Variants in FER1L6 observed in about 807,000 individuals in gnomAD.
FER1L6 encodes fer-1-like protein 6.
FER1L6 carries 177 observed loss-of-function variants against 219.2 expected under a neutral mutation model. That is an observed-to-expected ratio of 0.81 (90% CI 0.71 to 0.91). The LOEUF (loss-of-function observed/expected upper bound fraction) is 0.91. Ranked by LOEUF, FER1L6 falls within the 40% of genes least tolerant of loss-of-function variation. FER1L6 has a pLI of 0.00. For missense variants in FER1L6, 2,153 were observed against 2,259.9 expected (o/e 0.95, Z 0.96); for synonymous variants, 768 against 824.3 (o/e 0.93, Z 1.17).
intron 5 of FER1L6, among the ~76,000 whole-genome samples, chr8:123,967,290 A>G (rs531906366): frequency 6.6e-6 from 1 of 152,282 alleles, no homozygotes; most frequent in African/African-American, 2.4e-5. Context: ...ATTGTACCCA[A>G]ATGGTAGCAT....
rs144664675 is a variant in FER1L6 at position 123,917,364 on chromosome 8, T to A, written c.-7-38628T>A. 2.9e-3 allele frequency among the ~76,000 whole-genome samples: 449 copies of A among 152,346 alleles called. 2 individuals carry two copies. The highest frequency in any genetic ancestry group is 4.6e-3 in the Non-Finnish European group (315 of 68,036). ...GCAGAGGACTTGACTGATGTCGAGGTGTCCAGTACATCAATAATATCCACT... is the reference window on the plus strand; with the variant it reads ...GCAGAGGACTTGACTGATGTCGAGGAGTCCAGTACATCAATAATATCCACT... On this transcript the variant is annotated intron_variant, in intron 1 of 40. Transcript: ENST00000522917.
chr8:124,101,975 GTTA>G (rs1822566666), intron 38 of FER1L6, among the ~76,000 whole-genome samples: 1 of 152,162 alleles, frequency 6.6e-6, no homozygotes, highest in African/African-American at 2.4e-5. Flanking sequence ...TTGGAAATTG[GTTA>G]TTGTCTAAAA....
At chr8:124,081,406 G>C (rs1214722827) in intron 32 of FER1L6, among the ~76,000 whole-genome samples, 1 of 152,040 alleles carries the variant, frequency 6.6e-6, no homozygotes, top group Admixed American at 6.6e-5. Context: ...ACCGAGCTAG[G>C]AATTAGGAAC....
chr8:123,955,910 G>C lies in FER1L6; in HGVS notation c.-7-82G>C, dbSNP rs1454999301. ...GAGGCTGGTGGGCTTCATGAAGCTC[G>C]GTGTGTTTTTGTGTTTACCTTCTCC... On this transcript the variant is annotated intron_variant, in intron 1 of 40. Transcript: ENST00000522917. 8 of 1,294,214 alleles carry C rather than the reference G, an allele frequency of 6.2e-6. No individual in the cohort carries two copies. In the African/African-American group the frequency reaches 1.0e-4, roughly 17 times the overall value. 80.2% of individuals were successfully genotyped at this position (1,294,214 alleles called of 1,614,324 possible).
intron 1 of FER1L6, among the ~76,000 whole-genome samples, chr8:123,882,999 ACT>A (rs1817137286): frequency 6.6e-6 from 1 of 152,064 alleles, no homozygotes. Flanking sequence ...GTGTGTAGGA[ACT>A]CTCTACCTTT....
chr8:123,854,723 G>A (rs1320278222), intron 1 of FER1L6, among the ~76,000 whole-genome samples: 1 of 152,198 alleles, frequency 6.6e-6, no homozygotes, highest in Non-Finnish European at 1.5e-5. Context: ...TCTGGGAGGA[G>A]GAAGCAGCTT....
chr8:123,913,617 T>A (rs1813104576), intron 1 of FER1L6, among the ~76,000 whole-genome samples: 1 of 152,180 alleles, frequency 6.6e-6, no homozygotes, highest in Non-Finnish European at 1.5e-5. Flanking sequence ...GGGGTTGGAC[T>A]AAGCCATTGG....
chr8:123,998,814 C>G lies in FER1L6; in HGVS notation c.1520-4353C>G, dbSNP rs190406161. Among the ~76,000 whole-genome samples, 785 of 152,300 alleles carry G rather than the reference C, an allele frequency of 5.2e-3. 1 individual carries two copies. Among genetic ancestry groups the G allele is most frequent in the Middle Eastern group, 0.01 (3 of 294 alleles). On this transcript the variant is annotated intron_variant, in intron 12 of 40. Transcript: ENST00000522917. ...CACTCTTCTCTCTCCTTTTCTCAAG[C>G]AGCTGAGTCTCTACCCATGACCACT...
intron 1 of FER1L6, among the ~76,000 whole-genome samples, chr8:123,865,755 C>T (rs1174892035): frequency 6.6e-6 from 1 of 151,292 alleles, no homozygotes; most frequent in South Asian, 2.1e-4. Flanking sequence ...CAGGTGCGTC[C>T]GTCACCCCTT....
chr8:123,936,266 CAG>C (rs1264646712), intron 1 of FER1L6, among the ~76,000 whole-genome samples: 6 of 152,136 alleles, frequency 3.9e-5, no homozygotes, highest in Admixed American at 2.0e-4. Context: ...CCACATTGCT[CAG>C]GGGACAAGTT....
intron 1 of FER1L6, among the ~76,000 whole-genome samples, chr8:123,948,250 G>T (rs1224902823): frequency 1.3e-5 from 2 of 152,192 alleles, no homozygotes; most frequent in African/African-American, 4.8e-5. Flanking sequence ...ACTCAAGGTT[G>T]CATAATTAGC....
At position 123,966,265 on chromosome 8, in the gene FER1L6, G is replaced by T; in HGVS notation, c.359G>T (p.Gly120Val). The T allele has an allele frequency of 6.2e-7, 1 of 1,614,134 alleles. No homozygotes were observed. Among genetic ancestry groups the T allele is most frequent in the South Asian group, 1.1e-5 (1 of 91,072 alleles). The change falls in exon 5 of 41, where the codon GGA becomes GTA. Residue 120 changes from glycine to valine, a missense_variant. Physicochemically the swap from Gly to Val is moderately radical, Grantham distance 109. Transcript: ENST00000522917. ...AAGAAGCAAAGCACAGTGAAGGAAG[G>T]AACCAACAGCCCATTTTATAATGAA... ...DEKKQSTVKE[G>V]TNSPFYNEYF...
intron 22 of FER1L6, among the ~76,000 whole-genome samples, chr8:124,054,892 G>A (rs1382189536): frequency 3.9e-5 from 6 of 152,196 alleles, no homozygotes; most frequent in Admixed American, 6.5e-5. Context: ...GTTGCAACGC[G>A]AAGATGCCAG....
At chr8:123,999,717 G>T (rs183277124) in intron 12 of FER1L6, among the ~76,000 whole-genome samples, 1 of 152,104 alleles carries the variant, frequency 6.6e-6, no homozygotes, top group Non-Finnish European at 1.5e-5. Context: ...GTGGGCTAGG[G>T]CCTGAAATGT....
chr8:123,988,550 A>G (rs1282724969), intron 12 of FER1L6, among the ~76,000 whole-genome samples: 1 of 151,950 alleles, frequency 6.6e-6, no homozygotes, highest in East Asian at 1.9e-4. Context: ...TTCTTTGATT[A>G]AGTTTATTCC....
chr8:124,103,618 C>T (rs941850552), intron 39 of FER1L6, among the ~76,000 whole-genome samples: 1 of 152,032 alleles, frequency 6.6e-6, no homozygotes, highest in African/African-American at 2.4e-5. Context: ...TTACCTTATG[C>T]CTTCATCCTC....
chr8:124,010,620 C>T lies in FER1L6; in HGVS notation c.1727C>T (p.Ala576Val), dbSNP rs747685176. ...AATTACAACTATTTGCCATTTGAGG[C>T]TAAGAAGCCCTGTGTCTATTTCATC... ...NRNYNYLPFE[A>V]KKPCVYFISS... Residue 576 changes from alanine to valine, a missense_variant, in exon 14 of 41, where the codon GCT (alanine) becomes GTT (valine). Transcript: ENST00000522917. The T allele has an allele frequency of 1.2e-6, 2 of 1,614,018 alleles. No homozygotes were observed. The highest frequency in any genetic ancestry group is 1.7e-6 in the Non-Finnish European group (2 of 1,179,938).
In FER1L6 at chr8:123,959,629, TTG is replaced by T. The variant is rs1348273875; in HGVS notation, c.76+3562_76+3563del. Among the ~76,000 whole-genome samples the T allele has an allele frequency of 2.6e-5, 4 of 152,188 alleles. No homozygotes were observed. The East Asian group carries it at 5.8e-4, about 22-fold the overall frequency. ...CTGTGTTTCTTTGGATGCAGTACTGTTGTGTGTGGTTTGCTGTTTAAAATCAG... is the reference window on the plus strand; with the variant it reads ...CTGTGTTTCTTTGGATGCAGTACTGTTGTGTGGTTTGCTGTTTAAAATCAG... On this transcript the variant is annotated intron_variant, in intron 2 of 40. Coordinates refer to ENST00000522917, the MANE Select transcript of FER1L6 (RefSeq NM_001039112.2).
chr8:123,972,520 C>T (rs1199108836), intron 6 of FER1L6, among the ~76,000 whole-genome samples: 3 of 152,164 alleles, frequency 2.0e-5, no homozygotes, highest in Non-Finnish European at 2.9e-5. Context: ...TCCTTTACTA[C>T]GTGGAGTTCT....
Sources: allele counts gnomAD v4.1 joint callset (sites outside exome capture counted in the v4.1 genomes callset), GRCh38; gene constraint gnomAD v4.1.1; transcripts MANE v1.5; gene names NCBI Gene and HGNC (gene_info 2026-07-23, HGNC 2026-07-21).